The following EYS variants were observed in gnomAD, a reference collection of about 807,000 sequenced individuals.
EYS encodes the protein EGF-like photoreceptor maintenance factor.
EYS carries 250 observed loss-of-function variants against 282.1 expected under a neutral mutation model. That is an observed-to-expected ratio of 0.89 (90% CI 0.80 to 0.98). EYS has a LOEUF of 0.98. EYS is among the 50% of genes least tolerant of loss of function. EYS has a pLI of 0.00. For missense variants in EYS, 4,016 were observed against 3,709.0 expected, an observed-to-expected ratio of 1.08 and a Z score of -2.15; for synonymous variants, 1,355 against 1,282.9, an observed-to-expected ratio of 1.06 and a Z score of -1.20.
At chr6:65,141,981 A>T (rs1764357109) in intron 12 of EYS, among the ~76,000 whole-genome samples, 3 of 152,056 alleles carry the variant, frequency 2.0e-5, no homozygotes, top group Admixed American at 2.0e-4. Context: ...TGGAACCCCA[A>T]GAAGAAAGAC....
chr6:63,986,675 A>T (rs1468040220), intron 34 of EYS, among the ~76,000 whole-genome samples: 1 of 151,778 alleles, frequency 6.6e-6, no homozygotes, highest in Non-Finnish European at 1.5e-5. Flanking sequence ...CTAATGAAGG[A>T]TCGGAAAACC....
At chr6:63,880,538 C>T (rs1773106629) in intron 35 of EYS, among the ~76,000 whole-genome samples, 1 of 112,698 alleles carries the variant, frequency 8.9e-6, no homozygotes, top group Non-Finnish European at 2.1e-5. Context: ...TATTCTGTCC[C>T]TTTATGGAAA....
intron 22 of EYS, among the ~76,000 whole-genome samples, chr6:64,689,037 G>A (rs947546939): frequency 6.6e-6 from 1 of 152,246 alleles, no homozygotes; most frequent in African/African-American, 2.4e-5. Context: ...AATTGTCCCT[G>A]TTTGCAGATG....
At chr6:64,478,782 A>T (rs990180859) in intron 26 of EYS, among the ~76,000 whole-genome samples, 3 of 151,148 alleles carry the variant, frequency 2.0e-5, no homozygotes, top group African/African-American at 7.3e-5. Flanking sequence ...TTTAAAAATA[A>T]TCTATAGTAT....
intron 29 of EYS, among the ~76,000 whole-genome samples, chr6:64,342,748 C>G (rs1771176593): frequency 6.6e-6 from 1 of 151,326 alleles, no homozygotes; most frequent in Non-Finnish European, 1.5e-5. Context: ...GATAAATGCT[C>G]CAATTAAAAG....
chr6:64,066,896 A>T (rs1250909488), intron 32 of EYS, among the ~76,000 whole-genome samples: 3 of 152,224 alleles, frequency 2.0e-5, no homozygotes, highest in African/African-American at 4.8e-5. Flanking sequence ...TTATTATTGA[A>T]TCTAATGTTT....
At chr6:64,624,400 T>C (rs1458437069) in intron 23 of EYS, among the ~76,000 whole-genome samples, 1 of 152,176 alleles carries the variant, frequency 6.6e-6, no homozygotes, top group Non-Finnish European at 1.5e-5. Context: ...GTAGAATTTA[T>C]TGTTTATGCT....
chr6:63,785,149 A>T (rs1770329983), intron 39 of EYS, among the ~76,000 whole-genome samples: 1 of 152,206 alleles, frequency 6.6e-6, no homozygotes, highest in Admixed American at 6.5e-5. Flanking sequence ...AGCAATAGTA[A>T]AAGAAATAAG....
chr6:65,514,602 G>A (rs372130254), intron 2 of EYS, among the ~76,000 whole-genome samples: 6 of 152,032 alleles, frequency 3.9e-5, no homozygotes, highest in African/African-American at 1.2e-4. Flanking sequence ...ATATAGATCA[G>A]TGGAACAGAA....
chr6:64,053,943 C>G (rs1770897923), intron 33 of EYS, among the ~76,000 whole-genome samples: 1 of 152,104 alleles, frequency 6.6e-6, no homozygotes, highest in Admixed American at 6.6e-5. Context: ...TTTCCATGGC[C>G]TTTACATACT....
At chr6:64,717,769 T>C (rs1263405608) in intron 22 of EYS, among the ~76,000 whole-genome samples, 2 of 152,220 alleles carry the variant, frequency 1.3e-5, no homozygotes, top group Admixed American at 6.5e-5. Context: ...TAGAGGTATA[T>C]GGGTCTTTAC....
chr6:64,853,891 A>G (rs1765964673), intron 19 of EYS, among the ~76,000 whole-genome samples: 1 of 152,084 alleles, frequency 6.6e-6, no homozygotes, highest in African/African-American at 2.4e-5. Flanking sequence ...AAGAACTCAA[A>G]CAAATTTACA....
intron 2 of EYS, among the ~76,000 whole-genome samples, chr6:65,621,608 G>A (rs1326300209): frequency 5.3e-5 from 8 of 150,634 alleles, no homozygotes; most frequent in Non-Finnish European, 1.2e-4. Context: ...GATGTTAGCT[G>A]GTTATTTTGC....
At position 64,236,345 on chromosome 6, in the gene EYS, G is replaced by A. The variant is rs148415381; in HGVS notation, c.6192-5521C>T. On this transcript the variant is annotated intron_variant, in intron 30 of 42. Coordinates refer to ENST00000503581, the MANE Select transcript of EYS (RefSeq NM_001142800.2). ...TCTATTCATTAGTTGAAAGATGTGG[G>A]ACTTTTCTACTTTTTGGCTATTGTA... Among the ~76,000 whole-genome samples, 423 of 152,232 alleles carry A rather than the reference G, an allele frequency of 2.8e-3. 2 individuals carry two copies. Among genetic ancestry groups the A allele is most frequent in the Admixed American group, 3.8e-3 (58 of 15,270 alleles).
At chr6:64,318,908 A>C (rs1261290171) in intron 29 of EYS, among the ~76,000 whole-genome samples, 2 of 151,826 alleles carry the variant, frequency 1.3e-5, no homozygotes, top group Non-Finnish European at 2.9e-5. Flanking sequence ...TCTTTGTTCT[A>C]TGAGCGTTCC....
chr6:64,803,386 G>T (rs538003260), intron 22 of EYS, among the ~76,000 whole-genome samples: 1 of 151,668 alleles, frequency 6.6e-6, no homozygotes, highest in Admixed American at 6.6e-5. Context: ...TGTGTGGGGG[G>T]GTTGGTTTAT....
At chr6:64,397,483 T>C (rs1318376899) in intron 28 of EYS, among the ~76,000 whole-genome samples, 1 of 152,084 alleles carries the variant, frequency 6.6e-6, no homozygotes, top group East Asian at 1.9e-4. Flanking sequence ...ATTTAGTTGA[T>C]ATAAATTATC....
At chr6:65,199,468 C>A (rs765001742) in intron 12 of EYS, among the ~76,000 whole-genome samples, 50 of 152,216 alleles carry the variant, frequency 3.3e-4, no homozygotes, top group Middle Eastern at 3.4e-3. Flanking sequence ...CAGCGAAGTA[C>A]TCAGTGTATT....
At chr6:64,179,547 A>G (rs1764733406) in intron 31 of EYS, among the ~76,000 whole-genome samples, 1 of 152,104 alleles carries the variant, frequency 6.6e-6, no homozygotes, top group Admixed American at 6.6e-5. Context: ...GCACAGTAAG[A>G]GGCCTGGCAC....
Sources: allele counts gnomAD v4.1 joint callset (sites outside exome capture counted in the v4.1 genomes callset), GRCh38; gene constraint gnomAD v4.1.1; transcripts MANE v1.5; gene names NCBI Gene and HGNC (gene_info 2026-07-23, HGNC 2026-07-21).